KCNH5: variants seen among roughly 807,000 people sequenced by gnomAD.
KCNH5 encodes potassium voltage-gated channel subfamily H member 5, also known as voltage-gated delayed rectifier potassium channel KCNH5.
KCNH5 carries 46 observed loss-of-function variants against 96.1 expected under a neutral mutation model. The observed-to-expected ratio is 0.48, with a 90% CI of 0.38 to 0.61. The LOEUF (loss-of-function observed/expected upper bound fraction) is 0.61, where lower values mean the gene tolerates loss of function less well. Ranked by LOEUF, KCNH5 falls within the 20% of genes least tolerant of loss-of-function variation. The probability of loss-of-function intolerance (pLI) is 0.00; values close to 1 mark genes in which losing one functional copy is unlikely to be tolerated. For missense variants in KCNH5, 907 were observed against 1,225.8 expected, an observed-to-expected ratio of 0.74 and a Z score of 3.88; for synonymous variants, 439 against 449.8, an observed-to-expected ratio of 0.98 and a Z score of 0.30.
intron 7 of KCNH5, among the ~76,000 whole-genome samples, chr14:62,935,837 G>A (rs1357951154): frequency 1.3e-5 from 2 of 152,150 alleles, no homozygotes; most frequent in African/African-American, 4.8e-5. Context: ...TTCTAATGGT[G>A]GACCATTGAG....
intron 8 of KCNH5, among the ~76,000 whole-genome samples, chr14:62,826,097 G>T (rs1480622528): frequency 6.6e-6 from 1 of 152,060 alleles, no homozygotes; most frequent in Non-Finnish European, 1.5e-5. Flanking sequence ...GACTGAAAGT[G>T]ATGTCTTAAA....
At chr14:63,003,523 T>TA (rs1338765654) in intron 3 of KCNH5, among the ~76,000 whole-genome samples, 40 of 114,886 alleles carry the variant, frequency 3.5e-4, no homozygotes, top group African/African-American at 1.4e-3. Flanking sequence ...ATTTTATATA[T>TA]TTTATATATA....
chr14:62,974,819 C>T (rs961590807), intron 6 of KCNH5, among the ~76,000 whole-genome samples: 6 of 152,090 alleles, frequency 3.9e-5, no homozygotes, highest in Admixed American at 3.9e-4. Flanking sequence ...TAACATTTTA[C>T]TGCTTCAGGT....
intron 10 of KCNH5, among the ~76,000 whole-genome samples, chr14:62,779,256 T>G (rs1224047608): frequency 2.0e-5 from 3 of 152,234 alleles, no homozygotes; most frequent in Admixed American, 2.0e-4. Context: ...ATGTGGCTAA[T>G]TAATTTTTGA....
chr14:62,732,742 G>A (rs1885077002), intron 10 of KCNH5, among the ~76,000 whole-genome samples: 1 of 152,044 alleles, frequency 6.6e-6, no homozygotes, highest in African/African-American at 2.4e-5. Context: ...AAAATATAAG[G>A]TAGAAAGGAA....
rs143584577 is a variant in KCNH5, at chr14:62,913,552, G to C, written c.1369+36581C>G. ...AAACTTTTTATATTTAGAGGTCAGT[G>C]AACAACTGATTTAGAATTTTAGGTA... On this transcript the variant is annotated intron_variant, in intron 7 of 10. Coordinates refer to ENST00000322893, the MANE Select transcript of KCNH5 (RefSeq NM_139318.5). Among the ~76,000 whole-genome samples, 26 of 150,006 alleles carry C rather than the reference G, an allele frequency of 1.7e-4. 1 individual carries two copies. In the East Asian group the frequency reaches 5.0e-3, roughly 29 times the overall value.
intron 7 of KCNH5, among the ~76,000 whole-genome samples, chr14:62,942,476 T>C (rs1889807636): frequency 6.6e-6 from 1 of 152,148 alleles, no homozygotes; most frequent in African/African-American, 2.4e-5. Flanking sequence ...TTTATCTGAA[T>C]TCCACAGAGG....
rs537991015 is a variant in KCNH5, at chr14:62,834,685, G to A, written c.1569+14968C>T. 9.2e-5 allele frequency among the ~76,000 whole-genome samples: 14 copies of A among 151,902 alleles called. No individual in the cohort carries two copies. In the East Asian group the frequency reaches 1.2e-3, roughly 13 times the overall value. The stretch of plus-strand genomic sequence containing the variant: ...TGAAGGCCAAATTGGACTCATCATC[G>A]GTATTTGTACAGCCACTGAGTATAT... On this transcript the variant is annotated intron_variant, in intron 8 of 10. Coordinates refer to ENST00000322893, the MANE Select transcript of KCNH5 (RefSeq NM_139318.5).
chr14:62,725,768 A>T (rs536354854), intron 10 of KCNH5, among the ~76,000 whole-genome samples: 2 of 152,316 alleles, frequency 1.3e-5, no homozygotes, highest in African/African-American at 2.4e-5. Context: ...TCCAAATCAA[A>T]ATCCTGCAGG....
chr14:62,709,094 G>A (rs966677492), intron 10 of KCNH5, among the ~76,000 whole-genome samples: 4 of 151,218 alleles, frequency 2.6e-5, no homozygotes, highest in African/African-American at 7.3e-5. Flanking sequence ...TTAGCCGGGC[G>A]CAGTGGCGGG....
intron 7 of KCNH5, among the ~76,000 whole-genome samples, chr14:62,932,334 A>T (rs1445898652): frequency 6.6e-6 from 1 of 152,082 alleles, no homozygotes; most frequent in Non-Finnish European, 1.5e-5. Flanking sequence ...AGGAACACAG[A>T]GAAAAGGCAA....
At chr14:62,895,665 T>C (rs985051250) in intron 7 of KCNH5, among the ~76,000 whole-genome samples, 1 of 152,268 alleles carries the variant, frequency 6.6e-6, no homozygotes, top group Non-Finnish European at 1.5e-5. Flanking sequence ...CAAATAAATA[T>C]GCACCATATG....
intron 8 of KCNH5, among the ~76,000 whole-genome samples, chr14:62,808,797 G>A (rs1466323289): frequency 6.6e-6 from 1 of 152,084 alleles, no homozygotes; most frequent in Non-Finnish European, 1.5e-5. Flanking sequence ...CTTATCAATT[G>A]TGGCTTTAAT....
chr14:62,900,813 C>T (rs1888910416), intron 7 of KCNH5, among the ~76,000 whole-genome samples: 1 of 152,016 alleles, frequency 6.6e-6, no homozygotes, highest in Non-Finnish European at 1.5e-5. Context: ...AATGAAAACA[C>T]ATGTGACACA....
At chr14:62,801,346 C>A (rs1393696963) in intron 9 of KCNH5, among the ~76,000 whole-genome samples, 2 of 146,420 alleles carry the variant, frequency 1.4e-5, no homozygotes, top group Non-Finnish European at 3.0e-5. Context: ...ATGAAGTCGA[C>A]ATCCTGCAAT....
intron 8 of KCNH5, among the ~76,000 whole-genome samples, chr14:62,825,535 GA>G (rs1241882174): frequency 6.6e-6 from 1 of 151,962 alleles, no homozygotes; most frequent in East Asian, 1.9e-4. Flanking sequence ...ACTTCATCAA[GA>G]GTCACATCAC....
intron 10 of KCNH5, among the ~76,000 whole-genome samples, chr14:62,732,555 T>C (rs10147799): frequency 0.054 from 8,278 of 152,064 alleles, 693 homozygotes; most frequent in African/African-American, 0.18. Flanking sequence ...CTTTAACTAA[T>C]ATCCTCTTCT....
At chr14:62,909,758 G>A (rs544407523) in intron 7 of KCNH5, among the ~76,000 whole-genome samples, 16 of 152,120 alleles carry the variant, frequency 1.1e-4, no homozygotes, top group Non-Finnish European at 1.9e-4. Flanking sequence ...TGAGCCCGCA[G>A]AGGCACAGGC....
At chr14:62,953,593 C>T (rs1235533362) in intron 6 of KCNH5, among the ~76,000 whole-genome samples, 1 of 152,218 alleles carries the variant, frequency 6.6e-6, no homozygotes, top group Non-Finnish European at 1.5e-5. Context: ...TCATTATCCA[C>T]CCAGTCACTC....
Sources: gnomAD v4.1 joint callset for allele counts (sites outside exome capture counted in the v4.1 genomes callset) on GRCh38, gnomAD v4.1.1 for gene constraint, MANE v1.5 for transcripts, NCBI Gene and HGNC (gene_info 2026-07-23, HGNC 2026-07-21) for gene names.